The following DOCK8 variants were observed in gnomAD, a reference collection of about 807,000 sequenced individuals.
The protein encoded by DOCK8 is dedicator of cytokinesis 8, also known as dedicator of cytokinesis protein 8.
DOCK8 carries 141 observed loss-of-function variants against 245.6 expected under a neutral mutation model. That is an observed-to-expected ratio of 0.57 (90% CI 0.50 to 0.66). The LOEUF is 0.66. Ranked by LOEUF, DOCK8 falls within the 30% of genes least tolerant of loss-of-function variation. The pLI is 0.00. For synonymous variants in DOCK8, 1,168 were observed against 970.2 expected (o/e 1.20, Z -3.79); for missense variants, 2,965 against 2,603.4 (o/e 1.14, Z -3.02).
rs746815514 is a variant in DOCK8, at chr9:379,920, G to C, written c.2590G>C (p.Asp864His). ...YVFRLPEVQR[D>H]VPKSGAPTAL... ...CTTCCGCCTGCCAGAGGTGCAAAGG[G>C]ATGTGCCCAAGTCAGGTAGAGTTGC... Residue 864 changes from aspartate (D) to histidine (H), a missense_variant, in exon 21 of 48, where the codon GAT (aspartate) becomes CAT (histidine). By Grantham distance (81) the Asp-to-His change is moderately conservative (BLOSUM62 -1). Transcript: ENST00000432829. 1 of 1,613,906 alleles carries C rather than the reference G, an allele frequency of 6.2e-7. No homozygotes were observed. Among genetic ancestry groups the C allele is most frequent in the African/African-American group, 1.3e-5 (1 of 74,944 alleles).
intron 6 of DOCK8, chr9:312,429 A>G (rs2130703040): frequency 1.7e-6 from 1 of 594,956 alleles, no homozygotes; most frequent in Middle Eastern, 2.6e-4. Context: ...AGAGCATCTC[A>G]TTTAATCCCC....
chr9:374,452 TG>T (rs372667321), intron 18 of DOCK8, among the ~76,000 whole-genome samples: 2,361 of 85,200 alleles, frequency 0.028, 110 homozygotes, highest in African/African-American at 0.087. Context: ...GGTCCTTTTG[TG>T]TTTTTTTTTT....
chr9:382,126 A>G (rs1323402968), intron 21 of DOCK8, among the ~76,000 whole-genome samples: 1 of 152,254 alleles, frequency 6.6e-6, no homozygotes, highest in Admixed American at 6.5e-5. Context: ...ACCTCACTGC[A>G]TGAATTGTAA....
chr9:372,613 C>T lies in DOCK8; in HGVS notation c.2109+327C>T, dbSNP rs140919306. On this transcript the variant is annotated intron_variant, in intron 18 of 47. Coordinates refer to ENST00000432829, the MANE Select transcript of DOCK8 (RefSeq NM_203447.4). ...TAAACAACTGTTCCCATCAAGGATC[C>T]TTATAAAAGATTCCCAGGCCAGATT... Among the ~76,000 whole-genome samples the T allele has an allele frequency of 1.2e-4, 19 of 152,262 alleles. 1 individual carries two copies. The highest frequency in any genetic ancestry group is 4.6e-4 in the African/African-American group (19 of 41,568).
In DOCK8 at chr9:301,986, TA is replaced by T. The variant is rs995418309; in HGVS notation, c.405-2584del. Among the ~76,000 whole-genome samples, 393 of 151,114 alleles carry T rather than the reference TA, an allele frequency of 2.6e-3. 3 individuals carry two copies. Among genetic ancestry groups the T allele is most frequent in the African/African-American group, 8.9e-3 (367 of 41,292 alleles). On this transcript the variant is annotated intron_variant, in intron 4 of 47. Transcript: ENST00000432829. ...AGCAACATCATTTTTTCACAGAATT[TA>T]AAAAAAAAAACCTATTCCAAAATTC...
intron 1 of DOCK8, among the ~76,000 whole-genome samples, chr9:256,027 A>G (rs1324761080): frequency 2.0e-5 from 3 of 152,206 alleles, no homozygotes; most frequent in Admixed American, 6.5e-5. Flanking sequence ...TTAAGAAGTG[A>G]TTTAAGAGAT....
chr9:329,890 T>C (rs1389161436), intron 9 of DOCK8, among the ~76,000 whole-genome samples: 1 of 152,264 alleles, frequency 6.6e-6, no homozygotes, highest in African/African-American at 2.4e-5. Context: ...AGTGTTTGGA[T>C]AGGTTTAAGA....
At chr9:379,551 C>T (rs1408675238) in intron 20 of DOCK8, among the ~76,000 whole-genome samples, 3 of 152,104 alleles carry the variant, frequency 2.0e-5, no homozygotes, top group Non-Finnish European at 4.4e-5. Flanking sequence ...ACCATCAATG[C>T]TATTCAGTGG....
rs185783857 is a variant in DOCK8, at chr9:408,397, A to G, written c.3530+1328A>G. Among the ~76,000 whole-genome samples the G allele has an allele frequency of 2.3e-4, 35 of 152,276 alleles. No homozygotes were observed. The East Asian group carries it at 6.0e-3, about 26-fold the overall frequency. On this transcript the variant is annotated intron_variant, in intron 28 of 47. Transcript: ENST00000432829. ...TCTCAATTCTGCCTCCTTCCAGATA[A>G]ACTGGCCTGAGTATATCCTTTGAGA...
chr9:296,733 C>T (rs1202535768), intron 4 of DOCK8, among the ~76,000 whole-genome samples: 1 of 152,184 alleles, frequency 6.6e-6, no homozygotes, highest in African/African-American at 2.4e-5. Flanking sequence ...TAGCTATTTG[C>T]TTTCTAAAAG....
chr9:334,162 G>A lies in DOCK8; in HGVS notation c.1126-63G>A, dbSNP rs149613943. 5,481 of 1,590,792 alleles carry A rather than the reference G, an allele frequency of 3.4e-3. 12 individuals are homozygous for A. The highest frequency in any genetic ancestry group is 3.9e-3 in the South Asian group (356 of 90,306). ...TTTTGGAGATGGCTGTCATATTCAGGTCAGAGGCAGTTGACTTGGTGCTGA... is the reference window on the plus strand; with the variant it reads ...TTTTGGAGATGGCTGTCATATTCAGATCAGAGGCAGTTGACTTGGTGCTGA... On this transcript the variant is annotated intron_variant, in intron 10 of 47. Transcript: ENST00000432829.
intron 22 of DOCK8, among the ~76,000 whole-genome samples, chr9:384,878 C>T (rs913002737): frequency 5.9e-5 from 9 of 152,040 alleles, no homozygotes; most frequent in Admixed American, 1.3e-4. Context: ...ATCGTGCCAC[C>T]GCACTCCAGC....
chr9:214,782 G>A (rs1036331541), upstream of DOCK8: 3 of 1,552,786 alleles, frequency 1.9e-6, no homozygotes, highest in African/African-American at 1.4e-5. Flanking sequence ...GGCGGAGCCG[G>A]CCGTCGCTGC....
At chr9:430,645 G>A (rs1465034413) in intron 36 of DOCK8, among the ~76,000 whole-genome samples, 5 of 148,440 alleles carry the variant, frequency 3.4e-5, no homozygotes, top group African/African-American at 1.2e-4. Context: ...TTGTGCCACT[G>A]TATTCCAGCC....
intron 21 of DOCK8, 109 bp from the exon 22 acceptor site, chr9:382,404 C>T: frequency 4.0e-6 from 6 of 1,482,806 alleles, no homozygotes; most frequent in South Asian, 2.3e-5. Flanking sequence ...ATTCCAAGGC[C>T]TAATCCGGTG....
At chr9:427,687 A>G (rs1237660037) in intron 34 of DOCK8, among the ~76,000 whole-genome samples, 1 of 152,246 alleles carries the variant, frequency 6.6e-6, no homozygotes, top group Non-Finnish European at 1.5e-5. Context: ...AATATCGTTG[A>G]AACACAGTGA....
At chr9:246,219 GAAA>G (rs1034333009) in intron 1 of DOCK8, among the ~76,000 whole-genome samples, 1 of 147,058 alleles carries the variant, frequency 6.8e-6, no homozygotes, top group African/African-American at 2.5e-5. Flanking sequence ...ACCCATCTCA[GAAA>G]AAAAAAATGG....
intron 33 of DOCK8, among the ~76,000 whole-genome samples, chr9:423,162 TTATAA>T (rs1181631820): frequency 1.3e-5 from 2 of 152,106 alleles, no homozygotes; most frequent in East Asian, 1.9e-4. Context: ...TAGATGTGTA[TTATAA>T]TATATATTGT....
intron 26 of DOCK8, among the ~76,000 whole-genome samples, chr9:400,010 CCATCACCACCACCTCCACCAT>C (rs2054687652): frequency 1.0e-5 from 1 of 97,656 alleles, no homozygotes; most frequent in African/African-American, 3.4e-5. Context: ...ACCACCTCCA[CCATCACCACCACCTCCACCAT>C]CACCACCACC....
Sources: gnomAD v4.1 joint callset for allele counts (sites outside exome capture counted in the v4.1 genomes callset) on GRCh38, gnomAD v4.1.1 for gene constraint, MANE v1.5 for transcripts, NCBI Gene and HGNC (gene_info 2026-07-23, HGNC 2026-07-21) for gene names.